Variants in IFT172 observed in about 807,000 individuals in gnomAD.
The protein encoded by IFT172 is intraflagellar transport protein 172 homolog.
A neutral mutation model predicts 248.9 loss-of-function variants in IFT172; 164 were observed. The ratio of observed to expected loss-of-function variants is 0.66; its 90% CI spans 0.58 to 0.75. IFT172 has a LOEUF of 0.75. Ranked by LOEUF, IFT172 falls within the 30% of genes least tolerant of loss-of-function variation. The pLI is 0.00. For synonymous variants in IFT172, 729 were observed against 791.6 expected (o/e 0.92, Z 1.33); for missense variants, 1,950 against 2,192.4 (o/e 0.89, Z 2.21).
rs1665912193 is a variant in IFT172 at position 27,453,715 on chromosome 2, G to A, written c.3736C>T (p.Leu1246=). 3.1e-6 allele frequency: 5 copies of A among 1,612,372 alleles called. No individual in the cohort carries two copies. Among genetic ancestry groups the A allele is most frequent in the Non-Finnish European group, 4.2e-6 (5 of 1,179,604 alleles). Residue 1246 remains leucine (L), a synonymous_variant, in exon 34 of 48, where the codon CTG becomes TTG. Coordinates refer to ENST00000260570, the MANE Select transcript of IFT172 (RefSeq NM_015662.3). ...YKEAGLWSDA[L]RICKDYVPSQ... ...GGCACATAGTCCTTGCAGATGCGCA[G>A]AGCGTCACTCCATAATCCAGCCTCC...
intron 21 of IFT172, 75 bp from the exon 22 acceptor site, chr2:27,461,592 C>T: frequency 6.4e-7 from 1 of 1,562,644 alleles, no homozygotes. Context: ...TCTCCAATCC[C>T]TCTATAACAA....
At chr2:27,481,472 C>G (rs922788994) in intron 7 of IFT172, among the ~76,000 whole-genome samples, 2 of 151,694 alleles carry the variant, frequency 1.3e-5, no homozygotes, top group Non-Finnish European at 2.9e-5. Flanking sequence ...CACACACACC[C>G]CTATACACAT....
rs1667065969 is a variant in IFT172 at position 27,465,981 on chromosome 2, AAG to A, written c.1693-101_1693-100del. 5 of 1,393,248 alleles carry A rather than the reference AAG, an allele frequency of 3.6e-6. No homozygotes were observed. The Admixed American group carries it at 5.7e-5, about 16-fold the overall frequency. The allele number at this position is 1,393,248 out of a possible 1,614,324, so 86.3% of individuals were successfully genotyped here. ...CCCTCATCCGACCCAGTCAGTGGTC[AAG>A]AGAGTCACAGCGGCCCTGATTTTCC... On this transcript the variant is annotated intron_variant, in intron 16 of 47. Coordinates refer to ENST00000260570, the MANE Select transcript of IFT172 (RefSeq NM_015662.3).
In IFT172 at chr2:27,445,178, G is replaced by A. The variant is rs916432121; in HGVS notation, c.5069-73C>T. 27 of 1,597,874 alleles carry A rather than the reference G, an allele frequency of 1.7e-5. No homozygotes were observed. The highest frequency in any genetic ancestry group is 2.1e-5 in the Non-Finnish European group (24 of 1,169,938). On this transcript the variant is annotated intron_variant, in intron 46 of 47. Transcript: ENST00000260570. This position sits in a 1 kb window ranked among gnomAD's most constrained non-coding sequence, Gnocchi z 4.4. ...GAGGGAAAAATGAGGAGCAGCCTGGGGGGTAGAAAGCACAGTCCTGTCTTT... is the reference window on the plus strand; with the variant it reads ...GAGGGAAAAATGAGGAGCAGCCTGGAGGGTAGAAAGCACAGTCCTGTCTTT...
At chr2:27,458,491 G>T (rs1000608331) in intron 26 of IFT172, among the ~76,000 whole-genome samples, 1 of 152,116 alleles carries the variant, frequency 6.6e-6, no homozygotes, top group Non-Finnish European at 1.5e-5. Context: ...AAGTGTAGGC[G>T]CAAGAACAAA....
chr2:27,449,682 C>A lies in IFT172; in HGVS notation c.4160+9G>T, dbSNP rs1156587465. On this transcript the variant is annotated intron_variant, in intron 37 of 47. Coordinates refer to ENST00000260570, the MANE Select transcript of IFT172 (RefSeq NM_015662.3). Reference sequence around the variant, plus strand: ...AGAATTTCGCAGTAAGAAGGGGTTACAAGCTTACCTGGGATCTAACTCCTT... The same window carrying A: ...AGAATTTCGCAGTAAGAAGGGGTTAAAAGCTTACCTGGGATCTAACTCCTT... 1.2e-6 allele frequency: 2 copies of A among 1,610,706 alleles called. No individual in the cohort carries two copies. Among genetic ancestry groups the A allele is most frequent in the Non-Finnish European group, 8.5e-7 (1 of 1,177,362 alleles).
intron 14 of IFT172, chr2:27,475,543 AT>A (rs1667897332): frequency 1.2e-4 from 18 of 152,250 alleles, no homozygotes; most frequent in African/African-American, 4.3e-4. Context: ...GCACGGGGCC[AT>A]GCTAATCTTC....
At position 27,484,998 on chromosome 2, in the gene IFT172, C is replaced by G. The variant is rs1482827820; in HGVS notation, c.296+20G>C. ...CCCCTTCTTTCCTGGGCCATCCCAT[C>G]TCCCAGTCTCTATCCTCACCAATCT... On this transcript the variant is annotated intron_variant, in intron 3 of 47. Transcript: ENST00000260570. The G allele has an allele frequency of 1.5e-6, 2 of 1,337,124 alleles. No homozygotes were observed. The allele number at this position is 1,337,124 out of a possible 1,614,324, so 82.8% of individuals were successfully genotyped here. A position where few individuals can be genotyped will look rare whatever the true frequency, so the allele number is the denominator to read the frequency against.
intron 1 of IFT172, among the ~76,000 whole-genome samples, chr2:27,488,882 G>C (rs999136740): frequency 2.0e-5 from 3 of 152,280 alleles, no homozygotes; most frequent in Middle Eastern, 3.4e-3. Context: ...AACAAACAAA[G>C]AAACAAAAAA....
At chr2:27,477,716 G>T in intron 11 of IFT172, 104 bp from the exon 12 acceptor site, 1 of 908,414 alleles carries the variant, frequency 1.1e-6, no homozygotes, top group Non-Finnish European at 1.8e-6. Context: ...TATTTATGTA[G>T]GCTTTGGCAC....
At chr2:27,485,820 A>C (rs1175799748) in intron 1 of IFT172, among the ~76,000 whole-genome samples, 1 of 152,202 alleles carries the variant, frequency 6.6e-6, no homozygotes. Context: ...TAGTCTGGTA[A>C]GTTTTGGTCA....
Position 27,478,255 on chromosome 2 carries a change from T to C in IFT172, c.1006-99A>G, listed in dbSNP as rs1668112090. 4 of 1,365,526 alleles carry C rather than the reference T, an allele frequency of 2.9e-6. No individual in the cohort carries two copies. In the Admixed American group the frequency reaches 6.2e-5, roughly 21 times the overall value. 84.6% of individuals were successfully genotyped at this position (1,365,526 alleles called of 1,614,324 possible). A position where few individuals can be genotyped will look rare whatever the true frequency, so the allele number is the denominator to read the frequency against. ...CCACCTCCACAGCACTAAACAAAGC[T>C]AATACCTTGTTTCTTCCCTGGGTCT... is the stretch of plus-strand genomic sequence containing the variant. On this transcript the variant is annotated intron_variant, in intron 10 of 47. Coordinates refer to ENST00000260570, the MANE Select transcript of IFT172 (RefSeq NM_015662.3).
chr2:27,461,137 A>T, intron 22 of IFT172, 44 bp from the exon 23 acceptor site: 9 of 1,614,076 alleles, frequency 5.6e-6, no homozygotes, highest in Non-Finnish European at 7.6e-6. Context: ...TACAACACAA[A>T]GAACTAAGTA....
intron 35 of IFT172, among the ~76,000 whole-genome samples, chr2:27,452,327 GCCTTCAAACAAGAACTACA>G (rs773776414): frequency 2.1e-4 from 32 of 152,278 alleles, no homozygotes; most frequent in Middle Eastern, 3.4e-3. Flanking sequence ...AAGCTTGCTG[GCCTTCAAACAAGAACTACA>G]CCATCAGTTC....
At chr2:27,451,604 A>C (rs894728154) in intron 35 of IFT172, among the ~76,000 whole-genome samples, 2 of 152,140 alleles carry the variant, frequency 1.3e-5, no homozygotes, top group African/African-American at 4.8e-5. Context: ...TCTACTAAAA[A>C]AATACAAAAA....
At chr2:27,452,650 C>T (rs543273275) in intron 35 of IFT172, among the ~76,000 whole-genome samples, 2 of 152,288 alleles carry the variant, frequency 1.3e-5, no homozygotes, top group East Asian at 3.9e-4. Context: ...CATTTCTGTA[C>T]TGACTACCTA....
chr2:27,470,561 T>A (rs1667485203), intron 16 of IFT172, among the ~76,000 whole-genome samples: 1 of 152,112 alleles, frequency 6.6e-6, no homozygotes, highest in Admixed American at 6.6e-5. Context: ...AGAGAAGAGC[T>A]GATCTGTAAT....
At chr2:27,461,147 A>G in intron 22 of IFT172, 54 bp from the exon 23 acceptor site, 1 of 1,613,878 alleles carries the variant, frequency 6.2e-7, no homozygotes, top group Non-Finnish European at 8.5e-7. Flanking sequence ...AGAACTAAGT[A>G]TTAGCTCCGA....
intron 30 of IFT172, chr2:27,455,276 A>G: frequency 2.9e-6 from 1 of 345,240 alleles, no homozygotes; most frequent in Non-Finnish European, 5.5e-6. Context: ...TCTAATTGTG[A>G]TGCTGAAGTA....
Sources: gnomAD v4.1 joint callset for allele counts (sites outside exome capture counted in the v4.1 genomes callset) on GRCh38, gnomAD v4.1.1 for gene constraint, Gnocchi (gnomAD v3.1) non-coding constraint, MANE v1.5 for transcripts, NCBI Gene and HGNC (gene_info 2026-07-23, HGNC 2026-07-21) for gene names.